The following SCP2 variants were observed in gnomAD, a reference collection of about 807,000 sequenced individuals.
The protein encoded by SCP2 is SCP-2/3-oxoacyl-CoA thiolase.
A neutral mutation model predicts 71.4 loss-of-function variants in SCP2; 48 were observed. The observed-to-expected ratio is 0.67, with a 90% confidence interval of 0.53 to 0.86. The LOEUF (loss-of-function observed/expected upper bound fraction) is 0.86, where lower values mean the gene tolerates loss of function less well. SCP2 is among the 40% of genes least tolerant of loss of function. The pLI is 0.00. For missense variants in SCP2, 560 were observed against 655.6 expected (o/e 0.85, Z 1.59); for synonymous variants, 220 against 218.1 (o/e 1.01, Z -0.08).
At chr1:52,987,208 G>T (rs1317631902) in intron 10 of SCP2, among the ~76,000 whole-genome samples, 1 of 151,728 alleles carries the variant, frequency 6.6e-6, no homozygotes, top group Non-Finnish European at 1.5e-5. Context: ...ATGGTGCCCT[G>T]CCTCTTCTGA....
chr1:52,978,260 G>A lies in SCP2; in HGVS notation c.718G>A (p.Ala240Thr), dbSNP rs779139404. 6.8e-6 allele frequency: 11 copies of A among 1,614,020 alleles called. No homozygotes were observed. The highest frequency in any genetic ancestry group is 4.5e-5 in the East Asian group (2 of 44,882). The change falls in exon 9 of 16, where the codon GCA becomes ACA. Residue 240 changes from alanine (A) to threonine (T), a missense_variant. Physicochemically the swap from Ala to Thr is moderately conservative, Grantham distance 58. This residue lies in a region of SCP2 where 513 missense variants were observed against 573.1 expected (regional missense o/e 0.90). Coordinates refer to ENST00000371514, the MANE Select transcript of SCP2 (RefSeq NM_002979.5). Reference protein sequence around the residue: ...GAAAAILASEAFVQKYGLQSK... With the variant: ...GAAAAILASETFVQKYGLQSK... ...TGCAGCAGCAATTTTGGCCAGTGAA[G>A]CATTTGTACAGAAGTATGGCCTGCA...
At chr1:52,989,066 C>T (rs1028186895) in intron 11 of SCP2, among the ~76,000 whole-genome samples, 2 of 152,202 alleles carry the variant, frequency 1.3e-5, no homozygotes, top group Admixed American at 6.5e-5. Flanking sequence ...AAGATTTTTA[C>T]AGCTGCCTAT....
chr1:52,946,543 A>G (rs1414041773), intron 2 of SCP2, among the ~76,000 whole-genome samples: 2 of 152,186 alleles, frequency 1.3e-5, no homozygotes, highest in South Asian at 2.1e-4. Context: ...TTACACCCGT[A>G]GAGTCTCATT....
chr1:52,994,941 C>T (rs1234110829), intron 11 of SCP2: 9 of 521,816 alleles, frequency 1.7e-5, no homozygotes, highest in Non-Finnish European at 3.1e-5. Flanking sequence ...AACCTGGGAC[C>T]ATGGACTCTG....
chr1:52,974,643 T>C, intron 6 of SCP2, 126 bp from the exon 7 acceptor site: 1 of 728,568 alleles, frequency 1.4e-6, no homozygotes, highest in Admixed American at 1.9e-5. Flanking sequence ...AAGTCTTTAA[T>C]ACTGATGATA....
chr1:53,049,492 G>A (rs1327854185), intron 15 of SCP2: 1 of 152,162 alleles, frequency 6.6e-6, no homozygotes, highest in Non-Finnish European at 1.5e-5. Context: ...ACACCTAGGG[G>A]CCAGATTAAA....
chr1:53,000,605 G>A (rs1013759159), intron 11 of SCP2, among the ~76,000 whole-genome samples: 1 of 152,180 alleles, frequency 6.6e-6, no homozygotes, highest in Non-Finnish European at 1.5e-5. Flanking sequence ...GTACTGTAGG[G>A]CTGTGAAATA....
intron 5 of SCP2, among the ~76,000 whole-genome samples, chr1:52,960,054 G>A (rs1326581091): frequency 2.0e-5 from 3 of 152,132 alleles, no homozygotes; most frequent in Admixed American, 2.0e-4. Flanking sequence ...ACCACGCCCA[G>A]CTAATTTTTT....
chr1:52,932,133 A>G (rs1358113700), intron 1 of SCP2, among the ~76,000 whole-genome samples: 1 of 152,188 alleles, frequency 6.6e-6, no homozygotes, highest in African/African-American at 2.4e-5. Flanking sequence ...GTTCTAGAAA[A>G]AGAACTGAGA....
intron 1 of SCP2, among the ~76,000 whole-genome samples, chr1:52,929,737 C>T (rs1200503501): frequency 6.6e-6 from 1 of 152,242 alleles, no homozygotes; most frequent in African/African-American, 2.4e-5. Context: ...ATTCTCCTGC[C>T]TCAGCCTCCC....
In SCP2 at chr1:52,978,207, T is replaced by A; in HGVS notation, c.675-10T>A. On this transcript the variant is annotated splice_polypyrimidine_tract_variant and intron_variant, in intron 8 of 15. Transcript: ENST00000371514. ...ACTGGGTGTGGAGAATTATTTTTAC[T>A]TCCTCTTAGTCCCACTTCAGATGGT... 1 of 1,613,128 alleles carries A rather than the reference T, an allele frequency of 6.2e-7. No homozygotes were observed. The highest frequency in any genetic ancestry group is 8.5e-7 in the Non-Finnish European group (1 of 1,179,824).
At chr1:52,966,198 G>T (rs964485026) in intron 6 of SCP2, among the ~76,000 whole-genome samples, 2 of 152,000 alleles carry the variant, frequency 1.3e-5, no homozygotes, top group South Asian at 2.1e-4. Flanking sequence ...TCCTTGTCCT[G>T]TTCCTGATCT....
chr1:52,965,928 G>A (rs1042016039), intron 6 of SCP2, among the ~76,000 whole-genome samples: 2 of 151,988 alleles, frequency 1.3e-5, no homozygotes, highest in African/African-American at 4.8e-5. Context: ...TTACAGGTGT[G>A]AGCCACATAC....
chr1:53,032,319 A>G (rs1039707789), intron 13 of SCP2, among the ~76,000 whole-genome samples: 7 of 152,252 alleles, frequency 4.6e-5, no homozygotes, highest in Admixed American at 4.6e-4. Context: ...CTCAGGGAAC[A>G]CAGAGTTTAG....
chr1:52,939,537 C>T (rs1654025289), intron 1 of SCP2, among the ~76,000 whole-genome samples: 1 of 152,132 alleles, frequency 6.6e-6, no homozygotes, highest in African/African-American at 2.4e-5. Flanking sequence ...CAGAGTGAGA[C>T]TCCATCTCAA....
At chr1:53,047,255 TCTG>T (rs1273604379) in intron 14 of SCP2, among the ~76,000 whole-genome samples, 1 of 152,080 alleles carries the variant, frequency 6.6e-6, no homozygotes, top group Non-Finnish European at 1.5e-5. Context: ...CAAGAATGAG[TCTG>T]CTAGCAAGGT....
chr1:52,962,254 C>G (rs528838909), intron 6 of SCP2, among the ~76,000 whole-genome samples: 61 of 152,266 alleles, frequency 4.0e-4, no homozygotes, highest in Middle Eastern at 3.4e-3. Context: ...GGTGAAAGAT[C>G]AAGCTATTCA....
chr1:53,046,052 C>T (rs1328836797), intron 14 of SCP2, among the ~76,000 whole-genome samples: 1 of 152,226 alleles, frequency 6.6e-6, no homozygotes, highest in Non-Finnish European at 1.5e-5. Flanking sequence ...TACCCCTTCA[C>T]CAGTTGATGC....
rs780769171 is a variant in SCP2, at chr1:52,988,147, A to G, written c.1081+11A>G. 1.6e-6 allele frequency: 2 copies of G among 1,290,256 alleles called. No homozygotes were observed. Among genetic ancestry groups the G allele is most frequent in the Non-Finnish European group, 1.1e-6 (1 of 885,224 alleles). 79.9% of individuals were successfully genotyped at this position (1,290,256 alleles called of 1,614,324 possible). ...CACTAGGCGCTACAGGTAATGCTAC[A>G]TACAGATTTCATACATTTTAAAATC... is the stretch of plus-strand genomic sequence containing the variant. On this transcript the variant is annotated intron_variant, in intron 11 of 15. Coordinates refer to ENST00000371514, the MANE Select transcript of SCP2 (RefSeq NM_002979.5).
Sources: gnomAD v4.1 joint callset for allele counts (sites outside exome capture counted in the v4.1 genomes callset) on GRCh38, gnomAD v4.1.1 for gene constraint, gnomAD v4.1.1 regional missense constraint, MANE v1.5 for transcripts, NCBI Gene and HGNC (gene_info 2026-07-23, HGNC 2026-07-21) for gene names.